CEP131: variants seen among roughly 807,000 people sequenced by gnomAD.
CEP131 encodes the protein centrosomal protein 131.
In CEP131, 99 loss-of-function variants were observed where a neutral mutation model predicts 136.8. The observed-to-expected ratio is 0.72, with a 90% confidence interval of 0.62 to 0.86. The LOEUF is 0.86. CEP131 is among the 40% of genes least tolerant of loss of function. The pLI is 0.00. For synonymous variants in CEP131, 646 were observed against 612.7 expected (o/e 1.05, Z -0.80); for missense variants, 1,459 against 1,463.0 (o/e 1.00, Z 0.04).
intron 17 of CEP131, 29 bp downstream of exon 17, chr17:81,194,841 T>C (rs773514342): frequency 1.8e-5 from 28 of 1,589,086 alleles, no homozygotes; most frequent in South Asian, 8.8e-5. Flanking sequence ...ACCCCACACC[T>C]GGCCGGCTCA....
chr17:81,195,763 G>C, intron 16 of CEP131, 72 bp downstream of exon 16: 1 of 1,356,774 alleles, frequency 7.4e-7, no homozygotes, highest in East Asian at 2.3e-5. Context: ...GTCCTGTTCT[G>C]GGGGCTGTGC....
At chr17:81,194,764 A>C in intron 17 of CEP131, 106 bp downstream of exon 17, 1 of 940,380 alleles carries the variant, frequency 1.1e-6, no homozygotes, top group Non-Finnish European at 1.7e-6. Flanking sequence ...TCTGCCCAGG[A>C]AGGTCTCGGA....
rs540831650 is a variant in CEP131, at chr17:81,197,045, G to A, written c.1658C>T (p.Pro553Leu). The change falls in exon 14 of 26, where the codon CCG (proline) becomes CTG (leucine). Residue 553 changes from proline (P) to leucine (L), a missense_variant. Transcript: ENST00000450824. ...CTCCAGGGGCCCCGGCCCCGCCTCCGGCACCCACCCCTGCAGACACAGCCG... is the reference window on the plus strand; with the variant it reads ...CTCCAGGGGCCCCGGCCCCGCCTCCAGCACCCACCCCTGCAGACACAGCCG... ...QLDSQQEGWV[P>L]EAGPGPLELG... 9.5e-6 allele frequency: 15 copies of A among 1,587,104 alleles called. No individual in the cohort carries two copies. Among genetic ancestry groups the A allele is most frequent in the Middle Eastern group, 1.7e-4 (1 of 6,018 alleles).
In CEP131 at chr17:81,203,822, T is replaced by G; in HGVS notation, c.516-215A>C. On this transcript the variant is annotated intron_variant, in intron 5 of 25. Coordinates refer to ENST00000450824, the MANE Select transcript of CEP131 (RefSeq NM_014984.4). The surrounding 1 kb of genome is among the most constrained non-coding windows in gnomAD (Gnocchi z 4.6). ...AGGACAGGAAAGCTGGACCAGGGGC[T>G]CCCACGGGGCAGGGGATAGAATCGA... 1 of 556,202 alleles carries G rather than the reference T, an allele frequency of 1.8e-6. No individual in the cohort carries two copies. The highest frequency in any genetic ancestry group is 3.2e-5 in the Admixed American group (1 of 30,990). 34.5% of individuals were successfully genotyped at this position (556,202 alleles called of 1,614,324 possible). A position where few individuals can be genotyped will look rare whatever the true frequency, so the allele number is the denominator to read the frequency against.
chr17:81,200,297 G>T (rs2061861402), intron 8 of CEP131, 32 bp downstream of exon 8: 3 of 1,544,248 alleles, frequency 1.9e-6, no homozygotes, highest in South Asian at 1.1e-5. Context: ...CCCCCCGGGG[G>T]AGCATGGAGT....
At chr17:81,197,936 A>C (rs1159505567) in intron 12 of CEP131, 48 bp from the exon 13 acceptor site, 1 of 1,582,980 alleles carries the variant, frequency 6.3e-7, no homozygotes, top group East Asian at 2.2e-5. Flanking sequence ...CAGCCTGAGG[A>C]CTTGGGTTCC....
In CEP131 at chr17:81,192,588, C is replaced by T. The variant is rs371928909; in HGVS notation, c.2435G>A (p.Arg812Gln). ...CTGCCTCAGCTCTTCCAGCTCCGCC[C>T]GCTGCCTGCGGCCAGGGAGGAGTCA... ...ERLGQQAARQ[R>Q]AELEELRQQL... The change falls in exon 20 of 26, where the codon CGG becomes CAG. Residue 812 changes from arginine to glutamine, a missense_variant. Physicochemically the swap from Arg to Gln is conservative, Grantham distance 43. Transcript: ENST00000450824. 219 of 1,602,162 alleles carry T rather than the reference C, an allele frequency of 1.4e-4. 1 individual carries two copies. The highest frequency in any genetic ancestry group is 1.7e-4 in the Non-Finnish European group (204 of 1,176,890).
At chr17:81,213,258 T>C (rs187290716) in intron 2 of CEP131, among the ~76,000 whole-genome samples, 2 of 152,242 alleles carry the variant, frequency 1.3e-5, no homozygotes, top group East Asian at 3.9e-4. Context: ...TAATAAATGA[T>C]TGAAAAAATT....
intron 7 of CEP131, 99 bp from the exon 8 acceptor site, chr17:81,200,545 G>C (rs1210148970): frequency 1.1e-6 from 1 of 898,412 alleles, no homozygotes; most frequent in Admixed American, 2.6e-5. Context: ...GAGAGAAGCC[G>C]GCGGCTGCAC....
At position 81,197,726 on chromosome 17, in the gene CEP131, C is replaced by G. The variant is rs750971302; in HGVS notation, c.1633G>C (p.Asp545His). The G allele has an allele frequency of 1.2e-6, 2 of 1,611,186 alleles. No individual in the cohort carries two copies. Among genetic ancestry groups the G allele is most frequent in the Non-Finnish European group, 8.5e-7 (1 of 1,178,986 alleles). ...TGAGGGGCCACCTCCTGCTGGGAGTCCAGCTGGTCCTGCCCAGACTTCTCC... is the reference window on the plus strand; with the variant it reads ...TGAGGGGCCACCTCCTGCTGGGAGTGCAGCTGGTCCTGCCCAGACTTCTCC... The part of the protein sequence containing the change: ...EMEKSGQDQL[D>H]SQQEGWVPEA... The change falls in exon 13 of 26, where the codon GAC becomes CAC. Residue 545 changes from aspartate (D) to histidine (H), a missense_variant. Coordinates refer to ENST00000450824, the MANE Select transcript of CEP131 (RefSeq NM_014984.4).
chr17:81,209,012 C>CCT lies in CEP131; in HGVS notation c.186_187dup (p.Gly63GlufsTer38), dbSNP rs781773416. ...GTTGATGGCCTGGGAGCCCCCAGGCCCTGTGGCCTCCTGCAAAAAGGGAGA... is the reference window on the plus strand; with the variant it reads ...GTTGATGGCCTGGGAGCCCCCAGGCCCTCTGTGGCCTCCTGCAAAAAGGGAGA... On this transcript the variant is annotated frameshift_variant, in exon 3 of 26. Transcript: ENST00000450824. LOFTEE classifies it high-confidence loss of function. 1 of 1,611,810 alleles carries CCT rather than the reference C, an allele frequency of 6.2e-7. No individual in the cohort carries two copies. Among genetic ancestry groups the CCT allele is most frequent in the South Asian group, 1.1e-5 (1 of 90,986 alleles).
rs1255470090 is a variant in CEP131, at chr17:81,215,576, T to A, written c.177+4304A>T. ...ACAGGTGCCTGCCACCACGTCCAGC[T>A]ATTTTTTCTATTTTTAGTAGAGACG... On this transcript the variant is annotated intron_variant, in intron 2 of 25. Transcript: ENST00000450824. This position sits in a 1 kb window ranked among gnomAD's most constrained non-coding sequence, Gnocchi z 4.1. 6.6e-6 allele frequency among the ~76,000 whole-genome samples: 1 copy of A among 150,666 alleles called. No homozygotes were observed. The highest frequency in any genetic ancestry group is 2.1e-4 in the South Asian group (1 of 4,744).
rs2062027189 is a variant in CEP131 at position 81,207,226 on chromosome 17, T to C, written c.286A>G (p.Thr96Ala). The C allele has an allele frequency of 6.2e-7, 1 of 1,613,166 alleles. No homozygotes were observed. The highest frequency in any genetic ancestry group is 1.1e-5 in the South Asian group (1 of 91,044). The change falls in exon 4 of 26, where the codon ACA (threonine) becomes GCA (alanine). Residue 96 changes from threonine to alanine, a missense_variant. Thr to Ala is a moderately conservative substitution (Grantham distance 58). Around this residue, in one of 3 missense-constraint regions of CEP131, gnomAD observed 187 missense variants for 179.9 expected, o/e 1.04. Coordinates refer to ENST00000450824, the MANE Select transcript of CEP131 (RefSeq NM_014984.4). Reference sequence around the variant, plus strand: ...CCCTCGAAGAGCATCAGGAAGTCTGTGGGCTCCGTTGGCCTGCATCCGAGA... The same window carrying C: ...CCCTCGAAGAGCATCAGGAAGTCTGCGGGCTCCGTTGGCCTGCATCCGAGA... Reference protein sequence around the residue: ...RSGSPRPTEPTDFLMLFEGSP... With the variant: ...RSGSPRPTEPADFLMLFEGSP...
intron 5 of CEP131, among the ~76,000 whole-genome samples, chr17:81,204,865 G>A (rs546603052): frequency 2.0e-5 from 3 of 152,120 alleles, no homozygotes; most frequent in South Asian, 2.1e-4. Context: ...TTCTTGGAGC[G>A]CGGCTCATCT....
rs1386588748 is a variant in CEP131, at chr17:81,192,345, C to G, written c.2595G>C (p.Ala865=). The G allele has an allele frequency of 5.7e-6, 9 of 1,575,468 alleles. No individual in the cohort carries two copies. In the Admixed American group the frequency reaches 9.2e-5, roughly 16 times the overall value. The change falls in exon 21 of 26, where the codon GCG becomes GCC. Residue 865 remains alanine, a synonymous_variant. Coordinates refer to ENST00000450824, the MANE Select transcript of CEP131 (RefSeq NM_014984.4). ...LKQQLELERQ[A]WEAGRTRKEE... is the part of the protein sequence containing the mutation. ...CCTTCCTGGTGCGGCCGGCCTCCCA[C>G]GCCTGCCTCTCCAGCTCCAGCTGCT...
In CEP131 at chr17:81,197,509, C is replaced by T. The variant is rs2061786903; in HGVS notation, c.1647+203G>A. 5 of 775,508 alleles carry T rather than the reference C, an allele frequency of 6.4e-6. No homozygotes were observed. In the East Asian group the frequency reaches 8.5e-5, roughly 13 times the overall value. The allele number at this position is 775,508 out of a possible 1,614,324, so 48.0% of individuals were successfully genotyped here. ...GCCCTGCCACCTCCACCCTGAGAGA[C>T]CCGTGGGGGGTGCTGCATAACTAGG... On this transcript the variant is annotated intron_variant, in intron 13 of 25. Transcript: ENST00000450824.
Position 81,206,748 on chromosome 17 carries a change from T to A in CEP131, c.511A>T (p.Asn171Tyr), listed in dbSNP as rs1256039913. Residue 171 changes from asparagine (N) to tyrosine (Y), a missense_variant, in exon 5 of 26, where the codon AAC (asparagine) becomes TAC (tyrosine). Coordinates refer to ENST00000450824, the MANE Select transcript of CEP131 (RefSeq NM_014984.4). ...VALAPNFTAN[N>Y]RSNKGAVGNC... Reference sequence around the variant, plus strand: ...GGGCACCTGCACAGGTCGTACCTGTTGTTAGCAGTGAAGTTGGGGGCCAGG... The same window carrying A: ...GGGCACCTGCACAGGTCGTACCTGTAGTTAGCAGTGAAGTTGGGGGCCAGG... The A allele has an allele frequency of 5.6e-6, 9 of 1,613,042 alleles. No individual in the cohort carries two copies. Among genetic ancestry groups the A allele is most frequent in the Non-Finnish European group, 6.8e-6 (8 of 1,179,496 alleles).
intron 2 of CEP131, among the ~76,000 whole-genome samples, 195 bp from the exon 3 acceptor site, chr17:81,209,217 G>A (rs888181276): frequency 2.6e-5 from 4 of 152,134 alleles, no homozygotes; most frequent in African/African-American, 9.7e-5. Context: ...CGCGAGGGGG[G>A]CTCAGGCCCG....
At position 81,189,609 on chromosome 17, in the gene CEP131, C is replaced by T. The variant is rs2061594733; in HGVS notation, c.*160G>A. The T allele has an allele frequency of 3.5e-5, 25 of 724,076 alleles. No individual in the cohort carries two copies. In the South Asian group the frequency reaches 4.5e-4, roughly 13 times the overall value. The allele number at this position is 724,076 out of a possible 1,614,324, so 44.9% of individuals were successfully genotyped here. A position where few individuals can be genotyped will look rare whatever the true frequency, so the allele number is the denominator to read the frequency against. ...TCACTCAAGGCGCTGAAAACAACGG[C>T]CTCCTTTACTGTTAAAATGCAGCCA... On this transcript the variant is annotated 3_prime_UTR_variant, in exon 26 of 26. Transcript: ENST00000450824.
Sources: allele counts gnomAD v4.1 joint callset (sites outside exome capture counted in the v4.1 genomes callset), GRCh38; gene constraint gnomAD v4.1.1; regional missense constraint gnomAD v4.1.1; non-coding constraint Gnocchi (gnomAD v3.1); transcripts MANE v1.5; gene names NCBI Gene and HGNC (gene_info 2026-07-23, HGNC 2026-07-21).